Variants in FAM184A observed in about 807,000 individuals in gnomAD.
FAM184A encodes protein FAM184A.
Under a neutral mutation model 143.8 loss-of-function variants are expected in FAM184A, and 99 were observed. The observed-to-expected ratio is 0.69, with a 90% confidence interval of 0.58 to 0.81. The LOEUF (loss-of-function observed/expected upper bound fraction) is 0.81. Ranked by LOEUF, FAM184A falls within the 40% of genes least tolerant of loss-of-function variation. The probability of loss-of-function intolerance (pLI) is 0.00; values close to 1 mark genes in which losing one functional copy is unlikely to be tolerated. For synonymous variants in FAM184A, 427 were observed against 446.4 expected (o/e 0.96, Z 0.55); for missense variants, 1,217 against 1,310.5 (o/e 0.93, Z 1.10).
intron 1 of FAM184A, among the ~76,000 whole-genome samples, chr6:119,109,068 A>G (rs1788863845): frequency 1.4e-5 from 2 of 144,628 alleles, no homozygotes; most frequent in Admixed American, 1.3e-4. Flanking sequence ...CTCTCTTTGT[A>G]AATTATCCCT....
chr6:119,111,666 G>A (rs903966657), intron 1 of FAM184A, among the ~76,000 whole-genome samples: 3 of 152,186 alleles, frequency 2.0e-5, no homozygotes, highest in African/African-American at 7.2e-5. Flanking sequence ...GAGGTGTCTT[G>A]TCTGTTGATG....
chr6:119,042,783 A>G (rs901579301), intron 1 of FAM184A, among the ~76,000 whole-genome samples: 4 of 152,240 alleles, frequency 2.6e-5, no homozygotes, highest in African/African-American at 9.6e-5. Flanking sequence ...ATGTAGGTCT[A>G]ATGATTCTAA....
At chr6:119,005,090 CTT>C (rs1461169228) in intron 7 of FAM184A, among the ~76,000 whole-genome samples, 6 of 151,948 alleles carry the variant, frequency 3.9e-5, no homozygotes, top group Non-Finnish European at 8.8e-5. Context: ...AAAAACACCT[CTT>C]AATATAGTTT....
At chr6:119,074,272 GGAA>G (rs1190828356) in intron 1 of FAM184A, among the ~76,000 whole-genome samples, 1 of 152,168 alleles carries the variant, frequency 6.6e-6, no homozygotes, top group Non-Finnish European at 1.5e-5. Flanking sequence ...AGACAAAGCA[GGAA>G]GAGTAGAAAA....
At chr6:119,047,343 T>G (rs1381224312) in intron 1 of FAM184A, among the ~76,000 whole-genome samples, 1 of 152,074 alleles carries the variant, frequency 6.6e-6, no homozygotes, top group Non-Finnish European at 1.5e-5. Context: ...AAACTAGAAA[T>G]TAAACTACTA....
chr6:118,975,540 C>T (rs1009741826), intron 12 of FAM184A, among the ~76,000 whole-genome samples: 2 of 152,208 alleles, frequency 1.3e-5, no homozygotes, highest in Non-Finnish European at 2.9e-5. Flanking sequence ...CTCTTACATC[C>T]TCAGTAAGTT....
At chr6:118,978,828 A>C (rs564670496) in intron 11 of FAM184A, among the ~76,000 whole-genome samples, 1 of 152,350 alleles carries the variant, frequency 6.6e-6, no homozygotes, top group Admixed American at 6.5e-5. Context: ...GACATAAAAA[A>C]CAAAACCCAA....
chr6:118,986,644 T>C (rs2357020), intron 9 of FAM184A, among the ~76,000 whole-genome samples: 87,248 of 152,114 alleles, frequency 0.57, 25,405 homozygotes, highest in East Asian at 0.76. Context: ...ACTTTCATTC[T>C]AGTTATTAAT....
At chr6:119,004,079 G>A (rs576201940) in intron 7 of FAM184A, among the ~76,000 whole-genome samples, 1 of 152,288 alleles carries the variant, frequency 6.6e-6, no homozygotes, top group South Asian at 2.1e-4. Context: ...GCAGAATTTA[G>A]GCTACTGTTT....
chr6:119,003,092 C>A, intron 8 of FAM184A, 43 bp from the exon 9 acceptor site: 1 of 1,523,112 alleles, frequency 6.6e-7, no homozygotes, highest in South Asian at 1.2e-5. Flanking sequence ...GAGAATTATT[C>A]CTTTCACTGA....
rs1784921347 is a variant in FAM184A, at chr6:119,006,442, A to G, written c.1815+5T>C. On this transcript the variant is annotated splice_donor_5th_base_variant and intron_variant, in intron 7 of 17. Transcript: ENST00000338891. ...GTTTAGATTGCAGTAGAATTATGAA[A>G]TTACCTCCACATTTAATAGAGCATC... is the stretch of plus-strand genomic sequence containing the variant. The G allele has an allele frequency of 6.2e-7, 1 of 1,604,156 alleles. No homozygotes were observed. The highest frequency in any genetic ancestry group is 1.3e-5 in the African/African-American group (1 of 74,434).
At chr6:119,057,558 G>A (rs1360838804) in intron 1 of FAM184A, among the ~76,000 whole-genome samples, 1 of 152,096 alleles carries the variant, frequency 6.6e-6, no homozygotes, top group Non-Finnish European at 1.5e-5. Context: ...GCTCAGGGTA[G>A]TGAGACCCCC....
Position 119,024,719 on chromosome 6 carries a change from G to A in FAM184A, c.254C>T (p.Ala85Val). The A allele has an allele frequency of 6.2e-7, 1 of 1,613,544 alleles. No individual in the cohort carries two copies. Among genetic ancestry groups the A allele is most frequent in the Non-Finnish European group, 8.5e-7 (1 of 1,179,826 alleles). ...AHEEEIQQIL[A>V]ETREKILQYK... ...CTGCAATATTTTTTCTCTTGTTTCA[G>A]CAAGAATTTGTTGAATTTCTTCTTC... The change falls in exon 2 of 18, where the codon GCT becomes GTT. Residue 85 changes from alanine (A) to valine (V), a missense_variant. Physicochemically the swap from Ala to Val is moderately conservative, Grantham distance 64. Transcript: ENST00000338891.
intron 1 of FAM184A, among the ~76,000 whole-genome samples, chr6:119,071,805 T>C (rs1206250863): frequency 1.3e-5 from 2 of 150,694 alleles, no homozygotes; most frequent in Non-Finnish European, 3.0e-5. Context: ...ACACCTTCTA[T>C]ACTTATAAAA....
At chr6:119,033,086 A>T (rs993308158) in intron 1 of FAM184A, among the ~76,000 whole-genome samples, 9 of 152,138 alleles carry the variant, frequency 5.9e-5, no homozygotes, top group African/African-American at 2.2e-4. Context: ...CCAATTTATT[A>T]AAAAAATTAT....
chr6:119,016,769 C>G lies in FAM184A; in HGVS notation c.1508G>C (p.Arg503Thr), dbSNP rs200619083. The G allele has an allele frequency of 2.5e-6, 4 of 1,613,940 alleles. No homozygotes were observed. The highest frequency in any genetic ancestry group is 1.7e-4 in the Middle Eastern group (1 of 6,060). Reference sequence around the variant, plus strand: ...CACCATTTGCAGTTTTTTCTTATCCCTAATTGCATTACTGTGGACAGCTTC... The same window carrying G: ...CACCATTTGCAGTTTTTTCTTATCCGTAATTGCATTACTGTGGACAGCTTC... ...AIEAVHSNAI[R>T]DKKKLQMDLE... The change falls in exon 5 of 18, where the codon AGG becomes ACG. Residue 503 changes from arginine to threonine, a missense_variant. Arg to Thr is a moderately conservative substitution (Grantham distance 71). Coordinates refer to ENST00000338891, the MANE Select transcript of FAM184A (RefSeq NM_024581.6).
chr6:119,136,017 G>A (rs1231272870), intron 1 of FAM184A, among the ~76,000 whole-genome samples: 2 of 150,388 alleles, frequency 1.3e-5, no homozygotes, highest in African/African-American at 2.4e-5. Flanking sequence ...GGTGGCTCAC[G>A]CCTGTAATCC....
chr6:119,048,608 C>T (rs1786625429), intron 1 of FAM184A, among the ~76,000 whole-genome samples: 1 of 152,104 alleles, frequency 6.6e-6, no homozygotes, highest in Admixed American at 6.5e-5. Flanking sequence ...AGAGACAAAC[C>T]AGGAAGGCAA....
At chr6:119,024,931 A>G in intron 1 of FAM184A, 118 bp from the exon 2 acceptor site, 1 of 950,156 alleles carries the variant, frequency 1.1e-6, no homozygotes, top group South Asian at 1.8e-5. Context: ...GGCTACAGCT[A>G]ATGTTAAATA....
Sources: allele counts gnomAD v4.1 joint callset (sites outside exome capture counted in the v4.1 genomes callset), GRCh38; gene constraint gnomAD v4.1.1; transcripts MANE v1.5; gene names NCBI Gene and HGNC (gene_info 2026-07-23, HGNC 2026-07-21).